The following ASIC4 variants were observed in gnomAD, a reference collection of about 807,000 sequenced individuals.
The protein encoded by ASIC4 is acid-sensing ion channel 4.
A neutral mutation model predicts 53.4 loss-of-function variants in ASIC4; 28 were observed. That is an observed-to-expected ratio of 0.52 (90% CI 0.39 to 0.72). The LOEUF is 0.72. Ranked by LOEUF, ASIC4 falls within the 30% of genes least tolerant of loss-of-function variation. ASIC4 has a pLI of 0.00. For synonymous variants in ASIC4, 289 were observed against 301.4 expected (o/e 0.96, Z 0.43); for missense variants, 649 against 729.7 (o/e 0.89, Z 1.27).
Position 219,515,596 on chromosome 2 carries a change from G to A in ASIC4, c.582+290G>A, listed in dbSNP as rs114188817. On this transcript the variant is annotated intron_variant, in intron 1 of 9. Coordinates refer to ENST00000358078, the MANE Select transcript of ASIC4 (RefSeq NM_018674.6). ...TTGGGGTGGGGGTTCCTAGGCATGG[G>A]CCCAGGTGTCCTGGAGCTGGCTGGC... Among the ~76,000 whole-genome samples the A allele has an allele frequency of 7.0e-3, 1,062 of 152,334 alleles. 12 individuals carry two copies. Among genetic ancestry groups the A allele is most frequent in the African/African-American group, 0.024 (991 of 41,580 alleles).
chr2:219,537,782 C>A lies in ASIC4; in HGVS notation c.1506+46C>A. 4.5e-6 allele frequency: 7 copies of A among 1,568,226 alleles called. No homozygotes were observed. Among genetic ancestry groups the A allele is most frequent in the Non-Finnish European group, 6.1e-6 (7 of 1,149,620 alleles). On this transcript the variant is annotated intron_variant, in intron 9 of 9. Coordinates refer to ENST00000358078, the MANE Select transcript of ASIC4 (RefSeq NM_018674.6). This position sits in a 1 kb window ranked among gnomAD's most constrained non-coding sequence, Gnocchi z 4.9. ...CCTGCAGCATGCAGCCACACCTCCCCAGGACTGAATACATCCATTGTTTCT... is the reference window on the plus strand; with the variant it reads ...CCTGCAGCATGCAGCCACACCTCCCAAGGACTGAATACATCCATTGTTTCT...
At chr2:219,519,740 T>C (rs756317022) in intron 1 of ASIC4, among the ~76,000 whole-genome samples, 1 of 152,198 alleles carries the variant, frequency 6.6e-6, no homozygotes, top group African/African-American at 2.4e-5. Context: ...TGGATGGCCC[T>C]AGGAATGAGA....
In ASIC4 at chr2:219,516,145, G is replaced by A. The variant is rs1325959732; in HGVS notation, c.582+839G>A. On this transcript the variant is annotated intron_variant, in intron 1 of 9. Transcript: ENST00000358078. The surrounding 1 kb of genome is among the most constrained non-coding windows in gnomAD (Gnocchi z 4.9). The stretch of plus-strand genomic sequence containing the variant: ...ACTCCCTCTCTCACTCACTGTCCCT[G>A]TCACTACACTCACATGCACACCTGC... 6.6e-6 allele frequency among the ~76,000 whole-genome samples: 1 copy of A among 152,048 alleles called. No individual in the cohort carries two copies. Among genetic ancestry groups the A allele is most frequent in the African/African-American group, 2.4e-5 (1 of 41,382 alleles).
upstream of ASIC4, among the ~76,000 whole-genome samples, chr2:219,513,611 G>T (rs907676): frequency 6.6e-6 from 1 of 151,900 alleles, no homozygotes; most frequent in African/African-American, 2.4e-5. Flanking sequence ...AGAGCACCCC[G>T]GAAGCACACC....
intron 1 of ASIC4, among the ~76,000 whole-genome samples, chr2:219,519,823 G>A (rs945984085): frequency 6.6e-6 from 1 of 152,152 alleles, no homozygotes; most frequent in Non-Finnish European, 1.5e-5. Context: ...GGCTGTGACT[G>A]GAAGTCGGGC....
At position 219,535,228 on chromosome 2, in the gene ASIC4, C is replaced by T. The variant is rs1019770681; in HGVS notation, c.1133C>T (p.Thr378Ile). The T allele has an allele frequency of 1.2e-6, 2 of 1,614,064 alleles. No individual in the cohort carries two copies. The highest frequency in any genetic ancestry group is 1.7e-5 in the Admixed American group (1 of 60,024). ...TTCTGCCCCACCCCCTGCAACCTGA[C>T]ACGCTATGGGAAAGAGATCTCCATG... The part of the protein sequence containing the change: ...PCFCPTPCNL[T>I]RYGKEISMVR... Residue 378 changes from threonine (T) to isoleucine (I), a missense_variant, in exon 6 of 10, where the codon ACA becomes ATA. Thr to Ile is a moderately conservative substitution (Grantham distance 89). Transcript: ENST00000358078.
At chr2:219,534,919 C>G (rs572884044) in intron 5 of ASIC4, among the ~76,000 whole-genome samples, 10 of 152,016 alleles carry the variant, frequency 6.6e-5, no homozygotes, top group East Asian at 1.9e-4. Flanking sequence ...CACGAGGACC[C>G]CCCCCCAGTC....
At chr2:219,534,925 C>T (rs192201509) in intron 5 of ASIC4, among the ~76,000 whole-genome samples, 1,746 of 152,258 alleles carry the variant, frequency 0.011, 24 homozygotes, top group Non-Finnish European at 0.019. Flanking sequence ...GACCCCCCCC[C>T]AGTCCCAGGG....
chr2:219,532,188 G>C (rs767672359), intron 3 of ASIC4, 60 bp downstream of exon 3: 1 of 1,607,796 alleles, frequency 6.2e-7, no homozygotes, highest in South Asian at 1.1e-5. Context: ...GCTCAGAGGG[G>C]ATGTGGAGCA....
the ASIC4 span, among the ~76,000 whole-genome samples, chr2:219,509,060 C>T: frequency 6.6e-6 from 1 of 151,106 alleles, no homozygotes; most frequent in African/African-American, 2.4e-5. The surrounding 1 kb of genome is among the most constrained non-coding windows in gnomAD (Gnocchi z 5.2). Context: ...GCCAAGAACA[C>T]AGACTTGGGG....
At chr2:219,532,969 C>G (rs1016362876) in intron 5 of ASIC4, 30 bp downstream of exon 5, 5 of 1,600,064 alleles carry the variant, frequency 3.1e-6, no homozygotes, top group Non-Finnish European at 4.3e-6. Context: ...TCCTACCTCT[C>G]CATCAGCCTC....
intron 1 of ASIC4, among the ~76,000 whole-genome samples, chr2:219,531,143 G>C (rs764566109): frequency 2.0e-5 from 3 of 151,822 alleles, no homozygotes; most frequent in Admixed American, 6.6e-5. Flanking sequence ...GGGCCCAAGA[G>C]TTCAAGACCA....
At position 219,536,350 on chromosome 2, in the gene ASIC4, C is replaced by T. The variant is rs1032152425; in HGVS notation, c.1230-716C>T. On this transcript the variant is annotated intron_variant, in intron 6 of 9. Coordinates refer to ENST00000358078, the MANE Select transcript of ASIC4 (RefSeq NM_018674.6). This position sits in a 1 kb window ranked among gnomAD's most constrained non-coding sequence, Gnocchi z 4.6. ...CCCTGAGGCTTGGGTCTGGTCCCCT[C>T]CAGCCAGTCTACACTTGTGGAGCGT... is the stretch of plus-strand genomic sequence containing the variant. Among the ~76,000 whole-genome samples the T allele has an allele frequency of 6.6e-6, 1 of 152,236 alleles. No individual in the cohort carries two copies. The highest frequency in any genetic ancestry group is 2.4e-5 in the African/African-American group (1 of 41,460).
intron 1 of ASIC4, among the ~76,000 whole-genome samples, chr2:219,522,782 A>T (rs1694908111): frequency 6.6e-6 from 1 of 151,912 alleles, no homozygotes. Flanking sequence ...CCGCGGTGGA[A>T]GCCTCTGGCG....
chr2:219,519,502 C>G (rs1694853423), intron 1 of ASIC4, among the ~76,000 whole-genome samples: 1 of 152,236 alleles, frequency 6.6e-6, no homozygotes, highest in Non-Finnish European at 1.5e-5. Flanking sequence ...AATATGCATG[C>G]ACGTGTGCAT....
intron 1 of ASIC4, among the ~76,000 whole-genome samples, chr2:219,521,191 G>T (rs1425643905): frequency 6.6e-6 from 1 of 152,200 alleles, no homozygotes; most frequent in Non-Finnish European, 1.5e-5. Context: ...CTGTCTCAGA[G>T]GGCTGGTCTT....
intron 5 of ASIC4, among the ~76,000 whole-genome samples, 168 bp from the exon 6 acceptor site, chr2:219,535,003 G>A (rs184045736): frequency 2.2e-4 from 34 of 152,266 alleles, no homozygotes; most frequent in Admixed American, 1.3e-3. Context: ...TGGTTCAGGC[G>A]GGGACCTGCA....
At position 219,535,301 on chromosome 2, in the gene ASIC4, C is replaced by T. The variant is rs774286941; in HGVS notation, c.1206C>T (p.Tyr402=). The change falls in exon 6 of 10, where the codon TAC becomes TAT. Residue 402 remains tyrosine, a synonymous_variant. Transcript: ENST00000358078. ...CAGCCCGGTACCTGGCGAGGAAGTA[C>T]AACCGCAACGAGACCTACATACGGT... ...RGSARYLARK[Y]NRNETYIREN... is the part of the protein sequence containing the mutation. The T allele has an allele frequency of 2.5e-6, 4 of 1,612,130 alleles. No homozygotes were observed. The highest frequency in any genetic ancestry group is 2.2e-5 in the South Asian group (2 of 90,936).
intron 1 of ASIC4, among the ~76,000 whole-genome samples, chr2:219,523,251 G>C (rs1345418186): frequency 6.6e-6 from 1 of 152,206 alleles, no homozygotes; most frequent in Admixed American, 6.5e-5. Context: ...AGGGTGTAAG[G>C]CCTAAGCGGT....
Sources: gnomAD v4.1 joint callset for allele counts (sites outside exome capture counted in the v4.1 genomes callset) on GRCh38, gnomAD v4.1.1 for gene constraint, Gnocchi (gnomAD v3.1) non-coding constraint, MANE v1.5 for transcripts, NCBI Gene and HGNC (gene_info 2026-07-23, HGNC 2026-07-21) for gene names.